The following MAML1 variants were observed in gnomAD, a reference collection of about 807,000 sequenced individuals.
MAML1 encodes the protein mastermind like transcriptional coactivator 1, also known as mastermind-like protein 1.
In MAML1, 14 loss-of-function variants were observed where a neutral mutation model predicts 77.1. The ratio of observed to expected loss-of-function variants is 0.18; its 90% CI spans 0.12 to 0.28. The LOEUF (loss-of-function observed/expected upper bound fraction) is 0.28, where lower values mean the gene tolerates loss of function less well. MAML1 is among the 10% of genes least tolerant of loss of function. The pLI is 1.00. For missense variants in MAML1, 1,217 were observed against 1,327.8 expected (o/e 0.92, Z 1.30); for synonymous variants, 516 against 551.9 (o/e 0.93, Z 0.91).
intron 1 of MAML1, among the ~76,000 whole-genome samples, chr5:179,756,873 A>G (rs1221987279): frequency 1.3e-5 from 2 of 152,266 alleles, no homozygotes; most frequent in African/African-American, 4.8e-5. Flanking sequence ...TGACCCATGC[A>G]CTGAGACAGG....
In MAML1 at chr5:179,742,896, T is replaced by A. The variant is rs569622741; in HGVS notation, c.315+9469T>A. Among the ~76,000 whole-genome samples the A allele has an allele frequency of 2.6e-5, 4 of 152,314 alleles. No homozygotes were observed. The East Asian group carries it at 7.7e-4, about 29-fold the overall frequency. On this transcript the variant is annotated intron_variant, in intron 1 of 4. Coordinates refer to ENST00000292599, the MANE Select transcript of MAML1 (RefSeq NM_014757.5). ...TATCAGGTGGTATTTAATAGGACTTTGATTTCCTTTAGGGCACTAAGCAAA... is the reference window on the plus strand; with the variant it reads ...TATCAGGTGGTATTTAATAGGACTTAGATTTCCTTTAGGGCACTAAGCAAA...
chr5:179,770,385 T>G (rs1326666773), intron 3 of MAML1, among the ~76,000 whole-genome samples: 1 of 151,960 alleles, frequency 6.6e-6, no homozygotes, highest in African/African-American at 2.4e-5. Flanking sequence ...GAGGGGAGCT[T>G]GCAGTGAGCA....
At chr5:179,758,944 G>A (rs997791702) in intron 1 of MAML1, among the ~76,000 whole-genome samples, 1 of 152,012 alleles carries the variant, frequency 6.6e-6, no homozygotes. Context: ...GTTGCAGTGA[G>A]CTGAGATCGT....
rs757818171 is a variant in MAML1 at position 179,774,135 on chromosome 5, C to A, written c.2309C>A (p.Pro770His). 6.2e-7 allele frequency: 1 copy of A among 1,613,650 alleles called. No homozygotes were observed. Among genetic ancestry groups the A allele is most frequent in the South Asian group, 1.1e-5 (1 of 91,082 alleles). Residue 770 changes from proline to histidine, a missense_variant, in exon 5 of 5, where the codon CCC becomes CAC. By Grantham distance (77) the Pro-to-His change is moderately conservative (BLOSUM62 -2). This residue lies in a region of MAML1 where 884 missense variants were observed against 949.3 expected (regional missense o/e 0.93). Transcript: ENST00000292599. Reference sequence around the variant, plus strand: ...GGCATAACCCAGATAGTTGCCCAGCCCCCGCCACAGGCCACCAATGGACAT... The same window carrying A: ...GGCATAACCCAGATAGTTGCCCAGCACCCGCCACAGGCCACCAATGGACAT... ...ASGITQIVAQPPPQATNGHAH... is the reference protein window; with the variant it reads ...ASGITQIVAQHPPQATNGHAH...
chr5:179,753,240 T>C (rs900591907), intron 1 of MAML1, among the ~76,000 whole-genome samples: 3 of 149,764 alleles, frequency 2.0e-5, no homozygotes, highest in African/African-American at 7.5e-5. Context: ...CGCGCGCGCG[T>C]GCTGGGGTGA....
chr5:179,753,315 C>G (rs781315046), intron 1 of MAML1, among the ~76,000 whole-genome samples: 3 of 152,152 alleles, frequency 2.0e-5, no homozygotes, highest in Admixed American at 1.3e-4. Flanking sequence ...TTTCACTACT[C>G]AATTAAACCA....
intron 1 of MAML1, among the ~76,000 whole-genome samples, chr5:179,760,584 G>T (rs1779706474): frequency 6.6e-6 from 1 of 152,116 alleles, no homozygotes; most frequent in South Asian, 2.1e-4. Context: ...CAGACAGTTG[G>T]GTTTATTTGA....
In MAML1 at chr5:179,732,971, C is replaced by T. The variant is rs996619569; in HGVS notation, c.-142C>T. The T allele has an allele frequency of 3.5e-5, 15 of 431,156 alleles. No homozygotes were observed. In the East Asian group the frequency reaches 6.6e-4, roughly 19 times the overall value. 26.7% of individuals were successfully genotyped at this position (431,156 alleles called of 1,614,324 possible). A position where few individuals can be genotyped will look rare whatever the true frequency, so the allele number is the denominator to read the frequency against. On this transcript the variant is annotated 5_prime_UTR_variant, in exon 1 of 5. Coordinates refer to ENST00000292599, the MANE Select transcript of MAML1 (RefSeq NM_014757.5). ...AGCGGGGCAGGAGGAAAACCCGCCG[C>T]CGCGCGCGAGCCCGCTCCGCTGCCC...
rs142435663 is a variant in MAML1 at position 179,766,546 on chromosome 5, C to T, written c.1536C>T (p.Tyr512=). The part of the protein sequence containing the change: ...SANNQGSVLD[Y]GNTKPLSHYK... ...ATAACCAGGGGTCTGTGCTGGACTA[C>T]GGCAATACAAAACCCCTTTCTCATT... Residue 512 remains tyrosine (Y), a synonymous_variant, in exon 2 of 5, where the codon TAC becomes TAT. Transcript: ENST00000292599. This position sits in a 1 kb window ranked among gnomAD's most constrained non-coding sequence, Gnocchi z 4.0. 192 of 1,605,206 alleles carry T rather than the reference C, an allele frequency of 1.2e-4. No individual in the cohort carries two copies. Among genetic ancestry groups the T allele is most frequent in the African/African-American group, 9.4e-4 (70 of 74,798 alleles).
intron 1 of MAML1, among the ~76,000 whole-genome samples, chr5:179,762,018 C>CT (rs1412904576): frequency 1.3e-5 from 2 of 152,108 alleles, no homozygotes; most frequent in African/African-American, 4.8e-5. Context: ...AGCAAATTTC[C>CT]TGATGAGTAG....
chr5:179,773,736 A>G, intron 4 of MAML1, 159 bp from the exon 5 acceptor site: 3 of 985,442 alleles, frequency 3.0e-6, no homozygotes, highest in Non-Finnish European at 3.6e-6. Flanking sequence ...TTCAGAGACC[A>G]GGCCTCCATT....
chr5:179,759,467 AGCAC>A (rs1461031953), intron 1 of MAML1, among the ~76,000 whole-genome samples: 2 of 152,262 alleles, frequency 1.3e-5, no homozygotes, highest in Non-Finnish European at 2.9e-5. Flanking sequence ...GGGGTCAGCA[AGCAC>A]ATGACTTAAG....
rs191229443 is a variant in MAML1, at chr5:179,746,282, A to C, written c.315+12855A>C. ...AATCGCTTGAACCTGGGAGGCAGAG[A>C]TTGCAGTGAGCGGAGATTGTGCCAC... On this transcript the variant is annotated intron_variant, in intron 1 of 4. Coordinates refer to ENST00000292599, the MANE Select transcript of MAML1 (RefSeq NM_014757.5). 4.0e-3 allele frequency among the ~76,000 whole-genome samples: 610 copies of C among 151,826 alleles called. 6 individuals are homozygous for C. The highest frequency in any genetic ancestry group is 0.014 in the African/African-American group (588 of 41,446).
At position 179,769,881 on chromosome 5, in the gene MAML1, TG is replaced by T. The variant is rs1243022020; in HGVS notation, c.1971+794del. On this transcript the variant is annotated intron_variant, in intron 3 of 4. Coordinates refer to ENST00000292599, the MANE Select transcript of MAML1 (RefSeq NM_014757.5). The surrounding 1 kb of genome is among the most constrained non-coding windows in gnomAD (Gnocchi z 4.2). ...AATTACATCTTTAAGACATAAGAACTGGCTCCAGACAGTGAGGTTCATTGAG... is the reference window on the plus strand; with the variant it reads ...AATTACATCTTTAAGACATAAGAACTGCTCCAGACAGTGAGGTTCATTGAG... Among the ~76,000 whole-genome samples, 3 of 152,052 alleles carry T rather than the reference TG, an allele frequency of 2.0e-5. No individual in the cohort carries two copies. The highest frequency in any genetic ancestry group is 4.4e-5 in the Non-Finnish European group (3 of 68,012).
chr5:179,761,465 G>T (rs1386451531), intron 1 of MAML1, among the ~76,000 whole-genome samples: 1 of 152,182 alleles, frequency 6.6e-6, no homozygotes, highest in Non-Finnish European at 1.5e-5. Flanking sequence ...GGGAGGCCGA[G>T]GTGAGCGGAT....
chr5:179,773,898 C>T lies in MAML1; in HGVS notation c.2072C>T (p.Ser691Phe), dbSNP rs1251915114. ...FPQQVGQFTGSSAAVPGMNTL... is the reference protein window; with the variant it reads ...FPQQVGQFTGFSAAVPGMNTL... ...CAGACTCTTCTCTGTCTTGTAGGGTCCTCTGCTGCCGTGCCCGGCATGAAC... is the reference window on the plus strand; with the variant it reads ...CAGACTCTTCTCTGTCTTGTAGGGTTCTCTGCTGCCGTGCCCGGCATGAAC... Residue 691 changes from serine to phenylalanine, a missense_variant, in exon 5 of 5, where the codon TCC becomes TTC. Ser to Phe is a radical substitution (Grantham distance 155, BLOSUM62 -2). This residue lies in a region of MAML1 where 884 missense variants were observed against 949.3 expected (regional missense o/e 0.93). Transcript: ENST00000292599. 6 of 1,612,270 alleles carry T rather than the reference C, an allele frequency of 3.7e-6. No individual in the cohort carries two copies. The East Asian group carries it at 1.3e-4, about 36-fold the overall frequency.
chr5:179,740,719 G>A (rs536233657), intron 1 of MAML1, among the ~76,000 whole-genome samples: 1 of 152,266 alleles, frequency 6.6e-6, no homozygotes, highest in Admixed American at 6.5e-5. Context: ...ATGGAGAAGA[G>A]GAGATGGGTT....
At chr5:179,757,980 G>C (rs1296583353) in intron 1 of MAML1, among the ~76,000 whole-genome samples, 1 of 152,232 alleles carries the variant, frequency 6.6e-6, no homozygotes, top group Non-Finnish European at 1.5e-5. Flanking sequence ...ACTGATATCA[G>C]ATTCCTGGGT....
intron 1 of MAML1, among the ~76,000 whole-genome samples, chr5:179,741,625 G>T (rs2113337746): frequency 6.7e-6 from 1 of 148,554 alleles, no homozygotes; most frequent in Non-Finnish European, 1.5e-5. Context: ...GGTCGAGGTT[G>T]TCGTGAGCTG....
Sources: allele counts gnomAD v4.1 joint callset (sites outside exome capture counted in the v4.1 genomes callset), GRCh38; gene constraint gnomAD v4.1.1; regional missense constraint gnomAD v4.1.1; non-coding constraint Gnocchi (gnomAD v3.1); transcripts MANE v1.5; gene names NCBI Gene and HGNC (gene_info 2026-07-23, HGNC 2026-07-21).